CEP112: variants seen among roughly 807,000 people sequenced by gnomAD.
CEP112 encodes centrosomal protein of 112 kDa.
A neutral mutation model predicts 153.0 loss-of-function variants in CEP112; 127 were observed. That is an observed-to-expected ratio of 0.83 (90% CI 0.72 to 0.96). The LOEUF is 0.96. Ranked by LOEUF, CEP112 falls within the 40% of genes least tolerant of loss-of-function variation. The pLI is 0.00. For synonymous variants in CEP112, 358 were observed against 374.4 expected (o/e 0.96, Z 0.51); for missense variants, 1,089 against 1,101.2 (o/e 0.99, Z 0.16).
rs540579116 is a variant in CEP112, at chr17:66,158,653, T to C, written c.470+16391A>G. Among the ~76,000 whole-genome samples, 3 of 152,172 alleles carry C rather than the reference T, an allele frequency of 2.0e-5. No individual in the cohort carries two copies. The South Asian group carries it at 6.2e-4, about 32-fold the overall frequency. On this transcript the variant is annotated intron_variant, in intron 4 of 26. Transcript: ENST00000535342. Reference sequence around the variant, plus strand: ...AAATAAAGTTGTTCTTTGAAACCAATGAGAACAAACACACAATGTACCAGA... The same window carrying C: ...AAATAAAGTTGTTCTTTGAAACCAACGAGAACAAACACACAATGTACCAGA...
chr17:65,729,911 T>TCAAA (rs67336747), intron 23 of CEP112, among the ~76,000 whole-genome samples: 175 of 151,232 alleles, frequency 1.2e-3, no homozygotes, highest in East Asian at 2.8e-3. Context: ...AGATCCTGTC[T>TCAAA]CAAACAAACA....
intron 23 of CEP112, among the ~76,000 whole-genome samples, chr17:65,696,182 T>A (rs748772465): frequency 1.3e-5 from 2 of 152,214 alleles, no homozygotes; most frequent in Non-Finnish European, 2.9e-5. Context: ...GCAGTTCTCA[T>A]TGAGTTGAAA....
intron 17 of CEP112, among the ~76,000 whole-genome samples, chr17:65,971,654 T>C (rs12943782): frequency 0.41 from 62,933 of 152,012 alleles, 14,407 homozygotes; most frequent in East Asian, 0.87. Flanking sequence ...TGCATGCATG[T>C]CACATGCATG....
chr17:66,081,222 A>G (rs993306099), intron 8 of CEP112, among the ~76,000 whole-genome samples: 16 of 152,198 alleles, frequency 1.1e-4, no homozygotes, highest in Non-Finnish European at 1.5e-4. Flanking sequence ...TTCTCTTCAT[A>G]TAAAGTTCAA....
intron 21 of CEP112, among the ~76,000 whole-genome samples, chr17:65,822,149 T>C (rs2056621285): frequency 2.6e-5 from 4 of 152,040 alleles, no homozygotes; most frequent in Admixed American, 2.6e-4. Flanking sequence ...TGTAGTATAC[T>C]ACATCCTACT....
chr17:65,832,978 T>C (rs2057149605), intron 21 of CEP112, among the ~76,000 whole-genome samples: 1 of 152,064 alleles, frequency 6.6e-6, no homozygotes, highest in Non-Finnish European at 1.5e-5. Flanking sequence ...GCAAACTGAA[T>C]CCAGCAGCAC....
At chr17:66,073,504 T>C (rs1446890736) in intron 8 of CEP112, among the ~76,000 whole-genome samples, 1 of 152,196 alleles carries the variant, frequency 6.6e-6, no homozygotes, top group Non-Finnish European at 1.5e-5. Flanking sequence ...ACATTACTGC[T>C]ACAAAGTAGA....
chr17:66,173,523 T>C (rs2072334247), intron 4 of CEP112, among the ~76,000 whole-genome samples: 1 of 152,226 alleles, frequency 6.6e-6, no homozygotes, highest in Non-Finnish European at 1.5e-5. Flanking sequence ...CTACTTTAGT[T>C]CACCTTTATA....
intron 6 of CEP112, among the ~76,000 whole-genome samples, chr17:66,102,747 G>A (rs1358221533): frequency 1.1e-4 from 16 of 143,876 alleles, no homozygotes; most frequent in African/African-American, 2.6e-4. Flanking sequence ...GCACTGAGCC[G>A]AGATAACCCA....
intron 6 of CEP112, among the ~76,000 whole-genome samples, chr17:66,117,210 T>C (rs1442554643): frequency 6.6e-6 from 1 of 152,072 alleles, no homozygotes; most frequent in Non-Finnish European, 1.5e-5. Flanking sequence ...TTTTTTTCAG[T>C]TCTTTCAAAA....
chr17:65,829,134 A>G (rs886930539), intron 21 of CEP112, among the ~76,000 whole-genome samples: 11 of 152,192 alleles, frequency 7.2e-5, no homozygotes, highest in African/African-American at 2.2e-4. Context: ...AAAAAATAGT[A>G]TGTCTTAATT....
chr17:65,750,777 C>T lies in CEP112; in HGVS notation c.2395-53G>A, dbSNP rs1294670035. ...ACACAGTGACCTGTGAGCTTGGTAT[C>T]TCTTCCACATGCCTATCACCAGGCA... On this transcript the variant is annotated intron_variant, in intron 21 of 26. Transcript: ENST00000535342. 3 of 1,530,752 alleles carry T rather than the reference C, an allele frequency of 2.0e-6. No homozygotes were observed. In the African/African-American group the frequency reaches 4.1e-5, roughly 21 times the overall value. 94.8% of individuals were successfully genotyped at this position (1,530,752 alleles called of 1,614,324 possible). A position where few individuals can be genotyped will look rare whatever the true frequency, so the allele number is the denominator to read the frequency against.
chr17:65,738,782 T>C (rs532290366), intron 23 of CEP112, among the ~76,000 whole-genome samples: 30 of 152,360 alleles, frequency 2.0e-4, no homozygotes, highest in African/African-American at 6.5e-4. Flanking sequence ...GGAATATAGA[T>C]ATTTTCCTCT....
chr17:65,675,814 T>G (rs2047205903), intron 24 of CEP112, among the ~76,000 whole-genome samples: 1 of 151,904 alleles, frequency 6.6e-6, no homozygotes, highest in African/African-American at 2.4e-5. Context: ...AAAATAAACC[T>G]GTAAATTTTA....
chr17:65,987,557 A>G (rs1168230617), intron 17 of CEP112, among the ~76,000 whole-genome samples: 2 of 152,240 alleles, frequency 1.3e-5, no homozygotes, highest in South Asian at 2.1e-4. Context: ...ACAGAAAAAA[A>G]GAGAATTACA....
At chr17:66,118,095 A>G (rs993826681) in intron 6 of CEP112, among the ~76,000 whole-genome samples, 2 of 152,210 alleles carry the variant, frequency 1.3e-5, no homozygotes, top group Admixed American at 1.3e-4. Flanking sequence ...TATGGAGAAC[A>G]GTATGGTGGT....
At chr17:65,921,195 C>T (rs2060714872) in intron 19 of CEP112, among the ~76,000 whole-genome samples, 1 of 152,136 alleles carries the variant, frequency 6.6e-6, no homozygotes, top group South Asian at 2.1e-4. Context: ...CGTCAGACGG[C>T]TCCACGAAAG....
chr17:65,930,570 CT>C (rs1297049693), intron 18 of CEP112, among the ~76,000 whole-genome samples: 2 of 152,172 alleles, frequency 1.3e-5, no homozygotes, highest in African/African-American at 4.8e-5. Context: ...AATTAGAGTT[CT>C]AAGATTACTG....
chr17:65,748,805 C>T (rs547821588), intron 22 of CEP112, among the ~76,000 whole-genome samples: 53 of 152,320 alleles, frequency 3.5e-4, no homozygotes, highest in African/African-American at 1.3e-3. Context: ...CATTAACTTA[C>T]ATTTAATTTG....
Sources: allele counts gnomAD v4.1 joint callset (sites outside exome capture counted in the v4.1 genomes callset), GRCh38; gene constraint gnomAD v4.1.1; transcripts MANE v1.5; gene names NCBI Gene and HGNC (gene_info 2026-07-23, HGNC 2026-07-21).